Variants in DGKB observed in about 807,000 individuals in gnomAD.
DGKB encodes the protein 90 kDa diacylglycerol kinase.
A neutral mutation model predicts 114.3 loss-of-function variants in DGKB; 67 were observed. The ratio of observed to expected loss-of-function variants is 0.59; its 90% CI spans 0.48 to 0.72. DGKB has a LOEUF of 0.72. DGKB is among the 30% of genes least tolerant of loss of function. DGKB has a pLI of 0.00. For missense variants in DGKB, 907 were observed against 975.2 expected, an observed-to-expected ratio of 0.93 and a Z score of 0.93; for synonymous variants, 398 against 323.1, an observed-to-expected ratio of 1.23 and a Z score of -2.49.
chr7:14,430,258 A>T (rs1475969648), intron 21 of DGKB, among the ~76,000 whole-genome samples: 1 of 152,116 alleles, frequency 6.6e-6, no homozygotes, highest in African/African-American at 2.4e-5. Context: ...ATGGTCTTTT[A>T]AAAATATTTC....
chr7:14,470,142 A>G (rs772006433), intron 21 of DGKB, among the ~76,000 whole-genome samples: 30 of 151,936 alleles, frequency 2.0e-4, no homozygotes, highest in Non-Finnish European at 3.4e-4. Flanking sequence ...TAGTACACAG[A>G]AACTAAAGAC....
intron 20 of DGKB, among the ~76,000 whole-genome samples, chr7:14,539,490 A>G (rs916288988): frequency 7.2e-5 from 11 of 151,998 alleles, no homozygotes; most frequent in African/African-American, 2.4e-4. Context: ...TACTAAAAAC[A>G]TCAATAAACT....
chr7:14,752,410 G>A (rs1040802949), intron 4 of DGKB, among the ~76,000 whole-genome samples: 4 of 152,096 alleles, frequency 2.6e-5, no homozygotes, highest in East Asian at 1.9e-4. Context: ...TACAAAGTGC[G>A]AAAATAAAGC....
intron 1 of DGKB, among the ~76,000 whole-genome samples, chr7:14,939,970 T>C (rs932692026): frequency 2.0e-5 from 3 of 152,184 alleles, no homozygotes; most frequent in Non-Finnish European, 4.4e-5. Flanking sequence ...TTCTTTTTTC[T>C]TATGGTTTTA....
chr7:14,565,085 G>T (rs1797195225), intron 20 of DGKB, among the ~76,000 whole-genome samples: 1 of 152,152 alleles, frequency 6.6e-6, no homozygotes. Context: ...TATAAGCTTA[G>T]TTATGTGATA....
chr7:14,456,802 A>G (rs2128857672), intron 21 of DGKB, among the ~76,000 whole-genome samples: 1 of 152,218 alleles, frequency 6.6e-6, no homozygotes, highest in East Asian at 1.9e-4. Context: ...TCTAACCTGA[A>G]AACCTAATTA....
chr7:14,502,386 A>G (rs923358588), intron 20 of DGKB, among the ~76,000 whole-genome samples: 1 of 151,980 alleles, frequency 6.6e-6, no homozygotes, highest in African/African-American at 2.4e-5. Context: ...CCCATGAATC[A>G]AAGAAAAAAA....
At chr7:14,463,159 G>A (rs543642971) in intron 21 of DGKB, among the ~76,000 whole-genome samples, 8 of 151,924 alleles carry the variant, frequency 5.3e-5, no homozygotes, top group East Asian at 3.9e-4. Flanking sequence ...ACCAAACACC[G>A]CATGTTCTCA....
intron 20 of DGKB, among the ~76,000 whole-genome samples, chr7:14,507,171 T>G (rs573372504): frequency 6.6e-6 from 1 of 152,324 alleles, no homozygotes; most frequent in South Asian, 2.1e-4. Flanking sequence ...CCTAGCCTAG[T>G]GTGCTTAACT....
chr7:14,563,684 G>T (rs1380418818), intron 20 of DGKB, among the ~76,000 whole-genome samples: 2 of 141,868 alleles, frequency 1.4e-5, no homozygotes, highest in African/African-American at 5.2e-5. Flanking sequence ...TGGTTTAATT[G>T]GTCCACTGTT....
intron 21 of DGKB, among the ~76,000 whole-genome samples, chr7:14,372,848 T>G (rs2128658050): frequency 6.6e-6 from 1 of 152,324 alleles, no homozygotes; most frequent in Non-Finnish European, 1.5e-5. Flanking sequence ...ATATCTGTTT[T>G]ACTTCTTTAG....
chr7:14,255,334 C>G (rs1330582767), intron 23 of DGKB, among the ~76,000 whole-genome samples: 2 of 152,176 alleles, frequency 1.3e-5, no homozygotes, highest in Admixed American at 1.3e-4. Flanking sequence ...CCTATTGCTA[C>G]TACACATAAT....
intron 21 of DGKB, among the ~76,000 whole-genome samples, chr7:14,364,053 C>G (rs77373501): frequency 2.6e-4 from 39 of 151,772 alleles, no homozygotes; most frequent in Non-Finnish European, 5.2e-4. Context: ...GTGTGGCCAC[C>G]GACTTTATTG....
At chr7:14,699,368 G>A (rs916817147) in intron 7 of DGKB, among the ~76,000 whole-genome samples, 1 of 151,966 alleles carries the variant, frequency 6.6e-6, no homozygotes, top group Non-Finnish European at 1.5e-5. Context: ...TATCTTTTAA[G>A]AACAGAAACT....
intron 13 of DGKB, among the ~76,000 whole-genome samples, chr7:14,665,356 A>C (rs113021381): frequency 0.028 from 4,235 of 151,990 alleles, 204 homozygotes; most frequent in African/African-American, 0.097. Context: ...GATAGAGGGC[A>C]ACAACGACAG....
intron 12 of DGKB, among the ~76,000 whole-genome samples, chr7:14,679,404 A>T (rs1363514036): frequency 6.6e-6 from 1 of 152,002 alleles, no homozygotes; most frequent in African/African-American, 2.4e-5. Flanking sequence ...AACTGGTTAC[A>T]TAAATGGCCC....
chr7:14,974,219 G>C (rs548651643), intron 1 of DGKB, among the ~76,000 whole-genome samples: 2 of 152,108 alleles, frequency 1.3e-5, no homozygotes, highest in East Asian at 3.9e-4. Flanking sequence ...ATTTGTAAAC[G>C]AGTGGTGTTT....
At chr7:14,285,445 T>C (rs1046675289) in intron 23 of DGKB, among the ~76,000 whole-genome samples, 4 of 152,214 alleles carry the variant, frequency 2.6e-5, no homozygotes, top group African/African-American at 9.6e-5. Context: ...CCTGTTCATC[T>C]TTCTCAAGGC....
chr7:14,506,960 T>G (rs911357012), intron 20 of DGKB, among the ~76,000 whole-genome samples: 1 of 152,192 alleles, frequency 6.6e-6, no homozygotes, highest in Admixed American at 6.5e-5. Context: ...CTATTCCATG[T>G]GCAGGCTGGA....
Sources: gnomAD v4.1 joint callset for allele counts (sites outside exome capture counted in the v4.1 genomes callset) on GRCh38, gnomAD v4.1.1 for gene constraint, MANE v1.5 for transcripts, NCBI Gene and HGNC (gene_info 2026-07-23, HGNC 2026-07-21) for gene names.